CSMD1: variants seen among roughly 807,000 people sequenced by gnomAD.
CSMD1 encodes the protein CUB and sushi domain-containing protein 1.
Under a neutral mutation model 417.5 loss-of-function variants are expected in CSMD1, and 213 were observed. That is an observed-to-expected ratio of 0.51 (90% CI 0.46 to 0.57). The LOEUF is 0.57. Among genes scored for constraint, CSMD1 ranks in the 20% least tolerant of loss-of-function variants. The pLI is 0.00. For synonymous variants in CSMD1, 2,862 were observed against 1,736.8 expected, an observed-to-expected ratio of 1.65 and a Z score of -16.11; for missense variants, 6,923 against 4,529.7, an observed-to-expected ratio of 1.53 and a Z score of -15.17.
intron 11 of CSMD1, among the ~76,000 whole-genome samples, chr8:3,490,211 G>A (rs1442698235): frequency 6.6e-6 from 1 of 152,134 alleles, no homozygotes; most frequent in African/African-American, 2.4e-5. Context: ...GCTGATCCCG[G>A]CTGCATTATG....
At chr8:4,927,087 C>CATTATT (rs142803606) in intron 1 of CSMD1, among the ~76,000 whole-genome samples, 19,831 of 143,272 alleles carry the variant, frequency 0.14, 1,514 homozygotes, top group East Asian at 0.22. Flanking sequence ...GCTTTCAATG[C>CATTATT]ATTATTATTA....
intron 39 of CSMD1, among the ~76,000 whole-genome samples, chr8:3,154,774 G>C (rs1563092659): frequency 6.6e-6 from 1 of 152,122 alleles, no homozygotes; most frequent in Non-Finnish European, 1.5e-5. Flanking sequence ...TTAACCTCTA[G>C]AGAAGTGGTT....
At chr8:4,599,499 A>G (rs1800469734) in intron 2 of CSMD1, among the ~76,000 whole-genome samples, 2 of 152,268 alleles carry the variant, frequency 1.3e-5, no homozygotes, top group East Asian at 1.9e-4. Flanking sequence ...TCTAAATTAT[A>G]TAAACCATCA....
intron 2 of CSMD1, among the ~76,000 whole-genome samples, chr8:4,498,460 A>C (rs987781398): frequency 2.0e-5 from 3 of 152,178 alleles, no homozygotes; most frequent in East Asian, 3.8e-4. Context: ...TTAATTTTTT[A>C]AAATGAATTT....
At chr8:3,175,123 G>A (rs1041563069) in intron 37 of CSMD1, among the ~76,000 whole-genome samples, 1 of 152,034 alleles carries the variant, frequency 6.6e-6, no homozygotes, top group African/African-American at 2.4e-5. Flanking sequence ...AGGTAAAACA[G>A]TAAAATATTT....
At chr8:3,728,910 G>A (rs990004765) in intron 6 of CSMD1, among the ~76,000 whole-genome samples, 3 of 152,252 alleles carry the variant, frequency 2.0e-5, no homozygotes, top group South Asian at 2.1e-4. Flanking sequence ...ATCTATCACC[G>A]ACTGCATTTT....
chr8:4,456,692 G>C (rs1475630652), intron 2 of CSMD1, among the ~76,000 whole-genome samples: 1 of 152,090 alleles, frequency 6.6e-6, no homozygotes, highest in African/African-American at 2.4e-5. Flanking sequence ...TGCTGGCTCT[G>C]GTGGAAGAAA....
At position 3,094,800 on chromosome 8, in the gene CSMD1, C is replaced by CA. The variant is rs33991879; in HGVS notation, c.7138+2048dup. 9.7e-3 allele frequency among the ~76,000 whole-genome samples: 1,019 copies of CA among 105,226 alleles called. 2 individuals are homozygous for CA. The highest frequency in any genetic ancestry group is 0.011 in the Non-Finnish European group (557 of 52,064). 69.0% of individuals were successfully genotyped at this position (105,226 alleles called of 152,430 possible). On this transcript the variant is annotated intron_variant, in intron 47 of 69. Coordinates refer to ENST00000635120, the MANE Select transcript of CSMD1 (RefSeq NM_033225.6). ...ATGAACTATAAAAGAGCCCGTCTTA[C>CA]AAAAAAAAAAAAAAAAAAAAGAGAG...
At position 4,876,982 on chromosome 8, in the gene CSMD1, A is replaced by C. The variant is rs573299312; in HGVS notation, c.85+117350T>G. On this transcript the variant is annotated intron_variant, in intron 1 of 69. Transcript: ENST00000635120. Reference sequence around the variant, plus strand: ...AATTTTATGACAATTAAAAATATATACAATAAGTATAATACAAAGATAAAA... The same window carrying C: ...AATTTTATGACAATTAAAAATATATCCAATAAGTATAATACAAAGATAAAA... Among the ~76,000 whole-genome samples the C allele has an allele frequency of 9.2e-5, 14 of 152,262 alleles. 2 individuals carry two copies. In the South Asian group the frequency reaches 2.9e-3, roughly 32 times the overall value.
rs556399055 is a variant in CSMD1 at position 3,346,097 on chromosome 8, T to G, written c.3474+1895A>C. On this transcript the variant is annotated intron_variant, in intron 22 of 69. Coordinates refer to ENST00000635120, the MANE Select transcript of CSMD1 (RefSeq NM_033225.6). ...ATTAAGATAATTTTACTATAAACATTTTTAACAGAGATATTTTTTAGCATA... is the reference window on the plus strand; with the variant it reads ...ATTAAGATAATTTTACTATAAACATGTTTAACAGAGATATTTTTTAGCATA... 7.9e-5 allele frequency among the ~76,000 whole-genome samples: 12 copies of G among 152,326 alleles called. No homozygotes were observed. The East Asian group carries it at 1.3e-3, about 17-fold the overall frequency.
intron 3 of CSMD1, among the ~76,000 whole-genome samples, chr8:4,158,414 A>G (rs1796957593): frequency 6.6e-6 from 1 of 152,060 alleles, no homozygotes; most frequent in Admixed American, 6.5e-5. Context: ...TTGCAAAAGG[A>G]TATTGCAAAC....
intron 1 of CSMD1, among the ~76,000 whole-genome samples, chr8:4,956,182 G>A (rs1809096176): frequency 6.6e-6 from 1 of 151,528 alleles, no homozygotes; most frequent in African/African-American, 2.4e-5. Context: ...TTTTCTACTT[G>A]GGGCCACTGG....
intron 2 of CSMD1, among the ~76,000 whole-genome samples, chr8:4,479,073 C>T (rs990494245): frequency 1.3e-5 from 2 of 152,090 alleles, no homozygotes; most frequent in South Asian, 2.1e-4. Context: ...CAAATGTTTA[C>T]GTGTGTAAAG....
intron 3 of CSMD1, among the ~76,000 whole-genome samples, chr8:4,159,017 G>T (rs942388556): frequency 6.6e-6 from 1 of 152,112 alleles, no homozygotes; most frequent in African/African-American, 2.4e-5. Flanking sequence ...CCAGATTCAA[G>T]CGATTCTCCT....
intron 2 of CSMD1, among the ~76,000 whole-genome samples, chr8:4,425,379 CAAAAAA>C (rs3056571): frequency 7.8e-6 from 1 of 128,818 alleles, no homozygotes; most frequent in African/African-American, 2.8e-5. Flanking sequence ...ATTTGTGTGC[CAAAAAA>C]AAAAAAAAAA....
At chr8:4,162,808 G>A (rs1054057765) in intron 3 of CSMD1, among the ~76,000 whole-genome samples, 1 of 152,242 alleles carries the variant, frequency 6.6e-6, no homozygotes, top group East Asian at 1.9e-4. Flanking sequence ...TACATGCTAT[G>A]GGTGTGGATA....
At chr8:4,503,776 A>G (rs1802381762) in intron 2 of CSMD1, among the ~76,000 whole-genome samples, 1 of 152,094 alleles carries the variant, frequency 6.6e-6, no homozygotes, top group African/African-American at 2.4e-5. Context: ...CTCGGGAACT[A>G]TCAGGCACTG....
At chr8:3,887,332 T>G (rs1480780189) in intron 5 of CSMD1, among the ~76,000 whole-genome samples, 1 of 152,132 alleles carries the variant, frequency 6.6e-6, no homozygotes, top group African/African-American at 2.4e-5. Context: ...TCTGAGACGT[T>G]TTCAGGATAG....
intron 3 of CSMD1, among the ~76,000 whole-genome samples, chr8:4,285,158 T>A (rs1377667888): frequency 6.6e-6 from 1 of 152,182 alleles, no homozygotes; most frequent in Non-Finnish European, 1.5e-5. Context: ...TGTCCACAAG[T>A]TTTACTCCAT....
Sources: gnomAD v4.1 joint callset for allele counts (sites outside exome capture counted in the v4.1 genomes callset) on GRCh38, gnomAD v4.1.1 for gene constraint, MANE v1.5 for transcripts, NCBI Gene and HGNC (gene_info 2026-07-23, HGNC 2026-07-21) for gene names.